ITGA11: variants seen among roughly 807,000 people sequenced by gnomAD.
The protein encoded by ITGA11 is integrin alpha-11.
ITGA11 carries 97 observed loss-of-function variants against 141.9 expected under a neutral mutation model. That is an observed-to-expected ratio of 0.68 (90% CI 0.58 to 0.81). The LOEUF (loss-of-function observed/expected upper bound fraction) is 0.81. Among genes scored for constraint, ITGA11 ranks in the 30% least tolerant of loss-of-function variants. The pLI, the probability that ITGA11 is intolerant of heterozygous loss-of-function variation, is 0.00. For missense variants in ITGA11, 1,387 were observed against 1,559.2 expected (o/e 0.89, Z 1.86); for synonymous variants, 658 against 624.6 (o/e 1.05, Z -0.80).
At chr15:68,392,685 G>A (rs1399715993) in intron 2 of ITGA11, among the ~76,000 whole-genome samples, 1 of 152,150 alleles carries the variant, frequency 6.6e-6, no homozygotes, top group East Asian at 1.9e-4. Flanking sequence ...TCCTATTCTG[G>A]GAGGAAGGTG....
intron 2 of ITGA11, among the ~76,000 whole-genome samples, chr15:68,389,130 C>A (rs1289535033): frequency 6.6e-6 from 1 of 152,194 alleles, no homozygotes; most frequent in Non-Finnish European, 1.5e-5. Flanking sequence ...CATTGGAATC[C>A]TATCCACCTG....
At position 68,310,927 on chromosome 15, in the gene ITGA11, C is replaced by T. The variant is rs976006072; in HGVS notation, c.3174+67G>A. 1.1e-4 allele frequency: 141 copies of T among 1,234,778 alleles called. 1 individual carries two copies. In the East Asian group the frequency reaches 3.4e-3, roughly 30 times the overall value. 76.5% of individuals were successfully genotyped at this position (1,234,778 alleles called of 1,614,324 possible). On this transcript the variant is annotated intron_variant, in intron 26 of 29. Transcript: ENST00000315757. ...AGCTATTGGGTCGGGAGGGAAATGG[C>T]CCGCAGAGCACCGGCGGCACGCCTC... is the stretch of plus-strand genomic sequence containing the variant.
chr15:68,365,480 T>C, intron 3 of ITGA11: 1 of 274,808 alleles, frequency 3.6e-6, no homozygotes. Context: ...GCTTAAGGTT[T>C]TACCAGATCA....
Position 68,432,142 on chromosome 15 carries a change from C to G in ITGA11, c.-76G>C. ...CAAGCCAGAGCGGCAGCCTCCTCGG[C>G]GCGGCGCCTGCAGCCTGCACTGCGC... On this transcript the variant is annotated 5_prime_UTR_variant, in exon 1 of 30. Transcript: ENST00000315757. The G allele has an allele frequency of 8.7e-7, 1 of 1,155,506 alleles. No individual in the cohort carries two copies. Among genetic ancestry groups the G allele is most frequent in the Non-Finnish European group, 1.1e-6 (1 of 893,146 alleles). 71.6% of individuals were successfully genotyped at this position (1,155,506 alleles called of 1,614,324 possible).
At chr15:68,345,155 C>T (rs771457770) in intron 10 of ITGA11, among the ~76,000 whole-genome samples, 2 of 152,140 alleles carry the variant, frequency 1.3e-5, no homozygotes, top group Non-Finnish European at 2.9e-5. Flanking sequence ...CCTCAGCAGA[C>T]AGCCAGCACT....
At chr15:68,394,449 C>A (rs1896186196) in intron 2 of ITGA11, among the ~76,000 whole-genome samples, 1 of 151,556 alleles carries the variant, frequency 6.6e-6, no homozygotes, top group African/African-American at 2.4e-5. Context: ...TAGGATGCAG[C>A]TAAAGCAATG....
Position 68,333,381 on chromosome 15 carries a change from G to A in ITGA11, c.1426-903C>T, listed in dbSNP as rs1211949181. Among the ~76,000 whole-genome samples, 1 of 152,216 alleles carries A rather than the reference G, an allele frequency of 6.6e-6. No homozygotes were observed. Among genetic ancestry groups the A allele is most frequent in the Admixed American group, 6.5e-5 (1 of 15,280 alleles). ...CTCTCAAAGTGCTGGGATTACAGGT[G>A]TAAGCCACTGTTTTTAATTTTTGAT... is the stretch of plus-strand genomic sequence containing the variant. On this transcript the variant is annotated intron_variant, in intron 12 of 29. Coordinates refer to ENST00000315757, the MANE Select transcript of ITGA11 (RefSeq NM_001004439.2). The surrounding 1 kb of genome is among the most constrained non-coding windows in gnomAD (Gnocchi z 4.2).
At chr15:68,355,219 G>A (rs1895033940) in intron 7 of ITGA11, among the ~76,000 whole-genome samples, 1 of 152,158 alleles carries the variant, frequency 6.6e-6, no homozygotes. Context: ...GTCTCACCCC[G>A]AAGAAGGCAA....
Position 68,424,783 on chromosome 15 carries a change from T to A in ITGA11, c.52+7232A>T, listed in dbSNP as rs374796689. On this transcript the variant is annotated intron_variant, in intron 1 of 29. Coordinates refer to ENST00000315757, the MANE Select transcript of ITGA11 (RefSeq NM_001004439.2). ...ATTTTAAGTCCCAGCTTCTCAAGTC[T>A]GCCAAGGTGGAAGCTCCAGAGCCCA... Among the ~76,000 whole-genome samples, 11 of 152,254 alleles carry A rather than the reference T, an allele frequency of 7.2e-5. No individual in the cohort carries two copies. The East Asian group carries it at 7.7e-4, about 11-fold the overall frequency.
chr15:68,303,897 G>T lies in ITGA11; in HGVS notation c.3382-12C>A. On this transcript the variant is annotated splice_polypyrimidine_tract_variant and intron_variant, in intron 28 of 29. Coordinates refer to ENST00000315757, the MANE Select transcript of ITGA11 (RefSeq NM_001004439.2). This position sits in a 1 kb window ranked among gnomAD's most constrained non-coding sequence, Gnocchi z 5.3. ...ATCTCAAACACGATCTGCAAGGGGA[G>T]GGGGGCCGGGCCAACAGCATTACTC... 6.4e-7 allele frequency: 1 copy of T among 1,572,302 alleles called. No homozygotes were observed. Among genetic ancestry groups the T allele is most frequent in the Non-Finnish European group, 8.7e-7 (1 of 1,143,008 alleles).
Position 68,303,983 on chromosome 15 carries a change from G to A in ITGA11, c.3382-98C>T. 1.4e-6 allele frequency: 1 copy of A among 710,500 alleles called. No individual in the cohort carries two copies. Among genetic ancestry groups the A allele is most frequent in the Admixed American group, 2.2e-5 (1 of 45,370 alleles). 44.0% of individuals were successfully genotyped at this position (710,500 alleles called of 1,614,324 possible). A position where few individuals can be genotyped will look rare whatever the true frequency, so the allele number is the denominator to read the frequency against. Reference sequence around the variant, plus strand: ...AGGGTGGAGACAGCTGGCACCTGGTGGGGGAGCTGCATCCTCTTCCTCAGG... The same window carrying A: ...AGGGTGGAGACAGCTGGCACCTGGTAGGGGAGCTGCATCCTCTTCCTCAGG... On this transcript the variant is annotated intron_variant, in intron 28 of 29. Transcript: ENST00000315757. The surrounding 1 kb of genome is among the most constrained non-coding windows in gnomAD (Gnocchi z 5.3).
At chr15:68,331,385 C>T (rs1289090113) in intron 14 of ITGA11, among the ~76,000 whole-genome samples, 1 of 152,198 alleles carries the variant, frequency 6.6e-6, no homozygotes, top group Non-Finnish European at 1.5e-5. Flanking sequence ...CCCCATCTCT[C>T]ACGCTGGTCT....
At position 68,317,632 on chromosome 15, in the gene ITGA11, G is replaced by A. The variant is rs372133604; in HGVS notation, c.2617-269C>T. On this transcript the variant is annotated intron_variant, in intron 20 of 29. Transcript: ENST00000315757. ...GAGGATGGCGGGGGCTCATGTATGC[G>A]TCTCATTTTGCTCACCTGTTAAATG... Among the ~76,000 whole-genome samples, 27 of 152,250 alleles carry A rather than the reference G, an allele frequency of 1.8e-4. No homozygotes were observed. In the East Asian group the frequency reaches 2.3e-3, roughly 13 times the overall value.
At chr15:68,311,179 C>A in intron 25 of ITGA11, 99 bp from the exon 26 acceptor site, 1 of 1,276,532 alleles carries the variant, frequency 7.8e-7, no homozygotes, top group South Asian at 1.3e-5. Context: ...CTCCTCTAGC[C>A]GTGGTCCTGG....
chr15:68,359,674 A>AAAC (rs1488472553), intron 5 of ITGA11, among the ~76,000 whole-genome samples: 2 of 143,038 alleles, frequency 1.4e-5, no homozygotes, highest in African/African-American at 5.0e-5. Context: ...ACAAACAAAT[A>AAAC]AAAAAAAAAC....
At position 68,400,810 on chromosome 15, in the gene ITGA11, TATA is replaced by T. The variant is rs1435834856; in HGVS notation, c.164+2105_164+2107del. On this transcript the variant is annotated intron_variant, in intron 2 of 29. Transcript: ENST00000315757. Reference sequence around the variant, plus strand: ...ATATTATATATTATATAATAAATATTATAATATTATATATTATATAATAAATAT... The same window carrying T: ...ATATTATATATTATATAATAAATATTATATTATATATTATATAATAAATAT... 1.1e-3 allele frequency among the ~76,000 whole-genome samples: 38 copies of T among 34,260 alleles called. 9 individuals carry two copies. Among genetic ancestry groups the T allele is most frequent in the African/African-American group, 3.5e-3 (17 of 4,914 alleles). The allele number at this position is 34,260 out of a possible 152,430, so 22.5% of individuals were successfully genotyped here.
intron 2 of ITGA11, among the ~76,000 whole-genome samples, chr15:68,375,311 G>T (rs942039187): frequency 6.6e-6 from 1 of 152,218 alleles, no homozygotes; most frequent in African/African-American, 2.4e-5. Context: ...CACTGGAGGA[G>T]CCGAGAGCTC....
intron 11 of ITGA11, 58 bp downstream of exon 11, chr15:68,339,442 C>T: frequency 2.6e-6 from 4 of 1,553,830 alleles, no homozygotes; most frequent in Middle Eastern, 1.7e-4. Context: ...GGTTGTGCAG[C>T]CCCTGGGTGC....
intron 2 of ITGA11, among the ~76,000 whole-genome samples, chr15:68,396,616 A>G (rs896093432): frequency 2.6e-5 from 4 of 151,602 alleles, no homozygotes; most frequent in African/African-American, 9.7e-5. Context: ...AAATTGGAAA[A>G]TAATAAACAA....
Sources: gnomAD v4.1 joint callset for allele counts (sites outside exome capture counted in the v4.1 genomes callset) on GRCh38, gnomAD v4.1.1 for gene constraint, Gnocchi (gnomAD v3.1) non-coding constraint, MANE v1.5 for transcripts, NCBI Gene and HGNC (gene_info 2026-07-23, HGNC 2026-07-21) for gene names.